DLG2: variants seen among roughly 807,000 people sequenced by gnomAD.
DLG2 encodes discs large MAGUK scaffold protein 2.
In DLG2, 45 loss-of-function variants were observed where a neutral mutation model predicts 132.5. The observed-to-expected ratio is 0.34, with a 90% confidence interval of 0.27 to 0.44. The LOEUF (loss-of-function observed/expected upper bound fraction) is 0.44, where lower values mean the gene tolerates loss of function less well. DLG2 is among the 20% of genes least tolerant of loss of function. DLG2 has a pLI of 1.00. For synonymous variants in DLG2, 424 were observed against 419.6 expected (o/e 1.01, Z -0.13); for missense variants, 1,045 against 1,196.9 (o/e 0.87, Z 1.87).
At chr11:85,577,412 T>A (rs963737438) in intron 3 of DLG2, among the ~76,000 whole-genome samples, 36 of 152,104 alleles carry the variant, frequency 2.4e-4, no homozygotes, top group African/African-American at 8.7e-4. Flanking sequence ...AAATCAGTGA[T>A]GTTGCCTGTG....
intron 18 of DLG2, among the ~76,000 whole-genome samples, chr11:83,678,441 C>T (rs1210841405): frequency 1.3e-5 from 2 of 152,162 alleles, no homozygotes; most frequent in Admixed American, 6.6e-5. Context: ...TTTCTTCCTG[C>T]ACTACAAAAG....
intron 9 of DLG2, among the ~76,000 whole-genome samples, chr11:84,119,044 C>T (rs35992468): frequency 0.035 from 5,269 of 152,168 alleles, 136 homozygotes; most frequent in Non-Finnish European, 0.055. Flanking sequence ...TTGGCTTCGA[C>T]CTCAAGCAAA....
intron 4 of DLG2, among the ~76,000 whole-genome samples, chr11:85,159,570 C>G (rs1430925331): frequency 1.3e-5 from 2 of 152,208 alleles, no homozygotes; most frequent in Admixed American, 6.5e-5. Flanking sequence ...GTGCAGAAGA[C>G]AGTTGGATCT....
chr11:85,040,535 T>C (rs1000078770), intron 6 of DLG2, among the ~76,000 whole-genome samples: 1 of 151,960 alleles, frequency 6.6e-6, no homozygotes, highest in African/African-American at 2.4e-5. Flanking sequence ...AATTTTATAA[T>C]ATGAGTAGCA....
rs531328632 is a variant in DLG2, at chr11:85,484,937, G to A, written c.40+113720C>T. Among the ~76,000 whole-genome samples, 3 of 152,232 alleles carry A rather than the reference G, an allele frequency of 2.0e-5. No individual in the cohort carries two copies. In the East Asian group the frequency reaches 5.8e-4, roughly 29 times the overall value. Reference sequence around the variant, plus strand: ...TTGTGGCACTATTCACAATAGCAAAGACTTGGAACCAACCCAAATGTCCGA... The same window carrying A: ...TTGTGGCACTATTCACAATAGCAAAAACTTGGAACCAACCCAAATGTCCGA... On this transcript the variant is annotated intron_variant, in intron 3 of 27. Coordinates refer to ENST00000376104, the MANE Select transcript of DLG2 (RefSeq NM_001142699.3).
chr11:84,360,293 C>G (rs2098642291), intron 7 of DLG2, among the ~76,000 whole-genome samples: 1 of 151,608 alleles, frequency 6.6e-6, no homozygotes, highest in South Asian at 2.1e-4. Flanking sequence ...AGAAGACAAT[C>G]AAGGGAATAG....
intron 6 of DLG2, among the ~76,000 whole-genome samples, chr11:85,066,966 A>C (rs998663181): frequency 6.6e-6 from 1 of 151,798 alleles, no homozygotes; most frequent in African/African-American, 2.4e-5. Context: ...AAAGGGATCC[A>C]AATTAGAAAA....
intron 18 of DLG2, among the ~76,000 whole-genome samples, chr11:83,637,508 G>C (rs1247979927): frequency 1.3e-5 from 2 of 152,186 alleles, no homozygotes; most frequent in Non-Finnish European, 2.9e-5. Flanking sequence ...GGTTCAGAGA[G>C]GTTAACTGAC....
intron 6 of DLG2, among the ~76,000 whole-genome samples, chr11:84,570,177 C>T (rs1395901793): frequency 6.6e-6 from 1 of 152,184 alleles, no homozygotes; most frequent in East Asian, 1.9e-4. Flanking sequence ...CTCTCAGTCT[C>T]TAAATATATT....
chr11:84,700,123 T>G (rs912101352), intron 6 of DLG2, among the ~76,000 whole-genome samples: 1 of 151,686 alleles, frequency 6.6e-6, no homozygotes, highest in African/African-American at 2.4e-5. Flanking sequence ...TCTTTGCTAT[T>G]AATTCCTAAC....
At chr11:83,869,552 C>T (rs939686197) in intron 16 of DLG2, among the ~76,000 whole-genome samples, 20 of 152,076 alleles carry the variant, frequency 1.3e-4, no homozygotes, top group Non-Finnish European at 1.9e-4. Flanking sequence ...TTAGGCCTGC[C>T]CTGGTGAGAA....
chr11:84,276,101 T>C (rs1230152414), intron 7 of DLG2, among the ~76,000 whole-genome samples: 2 of 152,216 alleles, frequency 1.3e-5, no homozygotes, highest in African/African-American at 2.4e-5. Flanking sequence ...TGAAAACTAA[T>C]AGCTTCCTAT....
intron 4 of DLG2, among the ~76,000 whole-genome samples, chr11:85,218,395 A>G (rs2082758024): frequency 6.6e-6 from 1 of 152,276 alleles, no homozygotes; most frequent in African/African-American, 2.4e-5. Context: ...CCATTAGACA[A>G]TGAGCAAAGG....
At chr11:85,088,462 A>T (rs1295605932) in intron 6 of DLG2, among the ~76,000 whole-genome samples, 1 of 152,214 alleles carries the variant, frequency 6.6e-6, no homozygotes, top group Admixed American at 6.5e-5. Flanking sequence ...CAGACTGGGG[A>T]AGAGAATCAT....
chr11:85,590,613 C>T (rs1013732132), intron 3 of DLG2, among the ~76,000 whole-genome samples: 20 of 151,560 alleles, frequency 1.3e-4, no homozygotes, highest in African/African-American at 4.8e-4. Flanking sequence ...CTAAAATAAT[C>T]TTTTAGAATT....
intron 8 of DLG2, among the ~76,000 whole-genome samples, chr11:84,209,980 T>G (rs1597470364): frequency 6.6e-6 from 1 of 152,272 alleles, no homozygotes; most frequent in East Asian, 1.9e-4. Context: ...CTACTTCTAG[T>G]TATCTACTCC....
At chr11:85,375,629 T>C (rs1258821252) in intron 3 of DLG2, among the ~76,000 whole-genome samples, 1 of 152,244 alleles carries the variant, frequency 6.6e-6, no homozygotes, top group Non-Finnish European at 1.5e-5. Flanking sequence ...TTTTCAGTAC[T>C]CCTTTGTAAG....
chr11:83,588,005 G>A lies in DLG2; in HGVS notation c.1940+45206C>T, dbSNP rs907303782. ...CAGAGGCTCCTAAGCCCACGGAGTC[G>A]CCTAGCACAGCAGTCTGAGATCAAA... On this transcript the variant is annotated intron_variant, in intron 19 of 27. Coordinates refer to ENST00000376104, the MANE Select transcript of DLG2 (RefSeq NM_001142699.3). Among the ~76,000 whole-genome samples the A allele has an allele frequency of 6.0e-5, 9 of 150,772 alleles. No homozygotes were observed. In the South Asian group the frequency reaches 8.3e-4, roughly 14 times the overall value.
intron 6 of DLG2, among the ~76,000 whole-genome samples, chr11:84,851,345 G>A (rs2082140715): frequency 6.6e-6 from 1 of 151,940 alleles, no homozygotes; most frequent in Non-Finnish European, 1.5e-5. Context: ...TTGCTATATA[G>A]TATTCCACTA....
Sources: allele counts gnomAD v4.1 joint callset (sites outside exome capture counted in the v4.1 genomes callset), GRCh38; gene constraint gnomAD v4.1.1; transcripts MANE v1.5; gene names NCBI Gene and HGNC (gene_info 2026-07-23, HGNC 2026-07-21).